NFIL3: variants seen among roughly 807,000 people sequenced by gnomAD.
The protein encoded by NFIL3 is nuclear factor, interleukin 3 regulated.
NFIL3 carries 5 observed loss-of-function variants against 10.0 expected under a neutral mutation model. That is an observed-to-expected ratio of 0.50 (90% CI 0.26 to 1.06). NFIL3 has a LOEUF of 1.06. Ranked by LOEUF, NFIL3 falls within the 50% of genes least tolerant of loss-of-function variation. NFIL3 has a pLI of 0.13. For missense variants in NFIL3, 436 were observed against 547.6 expected (o/e 0.80, Z 2.03); for synonymous variants, 202 against 206.5 (o/e 0.98, Z 0.19).
Position 91,409,775 on chromosome 9 carries a change from G to A in NFIL3, c.960C>T (p.Ser320=), listed in dbSNP as rs759585974. The change falls in exon 2 of 2, where the codon TCC becomes TCT. Residue 320 remains serine, a synonymous_variant. Transcript: ENST00000297689. ...ATVVKVPEVN[S]SALPHKLRIK... is the part of the protein sequence containing the mutation. ...TCCGGAGCTTGTGTGGCAAGGCAGAGGAATTCACTTCTGGAACTTTAACCA... is the reference window on the plus strand; with the variant it reads ...TCCGGAGCTTGTGTGGCAAGGCAGAAGAATTCACTTCTGGAACTTTAACCA... 2.5e-6 allele frequency: 4 copies of A among 1,614,086 alleles called. No homozygotes were observed. The African/African-American group carries it at 4.0e-5, about 16-fold the overall frequency.
intron 1 of NFIL3, among the ~76,000 whole-genome samples, chr9:91,416,371 G>A (rs1471566650): frequency 2.0e-5 from 3 of 152,046 alleles, no homozygotes; most frequent in African/African-American, 4.8e-5. Flanking sequence ...AGTAGTTTAC[G>A]ATGCCTTCAA....
the NFIL3 span, among the ~76,000 whole-genome samples, chr9:91,471,858 T>C: frequency 1.3e-5 from 2 of 152,184 alleles, no homozygotes; most frequent in African/African-American, 4.8e-5. Context: ...TTCCTTTCCA[T>C]GTTTAGTGCT....
At chr9:91,472,260 G>A in the NFIL3 span, among the ~76,000 whole-genome samples, 1 of 152,188 alleles carries the variant, frequency 6.6e-6, no homozygotes. Flanking sequence ...TGCCTAGCTA[G>A]GTTGGGGAAG....
At chr9:91,454,659 C>A in the NFIL3 span, among the ~76,000 whole-genome samples, 1 of 152,110 alleles carries the variant, frequency 6.6e-6, no homozygotes, top group Non-Finnish European at 1.5e-5. Context: ...TGGTGAAACC[C>A]CGTCTCCACT....
chr9:91,481,929 C>A, the NFIL3 span, among the ~76,000 whole-genome samples: 2 of 151,768 alleles, frequency 1.3e-5, no homozygotes, highest in Non-Finnish European at 2.9e-5. Context: ...TGACTATTTG[C>A]CAGAAAAATG....
At chr9:91,483,169 G>C in the NFIL3 span, among the ~76,000 whole-genome samples, 4 of 152,146 alleles carry the variant, frequency 2.6e-5, no homozygotes, top group Admixed American at 2.0e-4. Context: ...TCCATTGGCT[G>C]TGGGTGGAGA....
At chr9:91,466,482 T>C in the NFIL3 span, among the ~76,000 whole-genome samples, 1 of 152,230 alleles carries the variant, frequency 6.6e-6, no homozygotes, top group East Asian at 1.9e-4. Context: ...GTTATGGATA[T>C]GTATGTTTGT....
upstream of NFIL3, chr9:91,427,119 A>G (rs1833880540): frequency 6.6e-6 from 1 of 152,092 alleles, no homozygotes; most frequent in Non-Finnish European, 1.5e-5. Flanking sequence ...TAGGCAAGCA[A>G]TTCATTAAAA....
the NFIL3 span, among the ~76,000 whole-genome samples, chr9:91,459,644 C>T: frequency 4.6e-5 from 7 of 152,114 alleles, no homozygotes; most frequent in African/African-American, 2.4e-5. Context: ...ATAATCATAC[C>T]TCTGCACTCT....
the NFIL3 span, among the ~76,000 whole-genome samples, chr9:91,466,010 G>T: frequency 6.6e-6 from 1 of 151,808 alleles, no homozygotes; most frequent in African/African-American, 2.4e-5. Context: ...GGGTGTGTGT[G>T]ATGTACAGTA....
the NFIL3 span, among the ~76,000 whole-genome samples, chr9:91,451,328 C>G: frequency 0.42 from 63,858 of 152,094 alleles, 17,366 homozygotes; most frequent in African/African-American, 0.77. Context: ...TCATCAGTTC[C>G]TCTGAGAAAC....
At chr9:91,481,845 CAT>C in the NFIL3 span, among the ~76,000 whole-genome samples, 55 of 152,080 alleles carry the variant, frequency 3.6e-4, no homozygotes, top group Middle Eastern at 0.01. Context: ...GCGAAATAGT[CAT>C]AAAATATTAA....
chr9:91,417,211 T>C (rs1181695864), intron 1 of NFIL3, among the ~76,000 whole-genome samples: 2 of 152,028 alleles, frequency 1.3e-5, no homozygotes, highest in Admixed American at 1.3e-4. Flanking sequence ...TTGGAAACAT[T>C]ATAGAATTAT....
chr9:91,409,204 CAA>C lies in NFIL3; in HGVS notation c.*140_*141del. 1.3e-6 allele frequency: 1 copy of C among 774,608 alleles called. No homozygotes were observed. Among genetic ancestry groups the C allele is most frequent in the Non-Finnish European group, 2.0e-6 (1 of 499,800 alleles). The allele number at this position is 774,608 out of a possible 1,614,324, so 48.0% of individuals were successfully genotyped here. On this transcript the variant is annotated 3_prime_UTR_variant, in exon 2 of 2. Coordinates refer to ENST00000297689, the MANE Select transcript of NFIL3 (RefSeq NM_005384.3). ...TCTAATCTTCATCATAATCTGTGCA[CAA>C]AAAGACACCAAACAGACAACATGTG...
chr9:91,443,353 C>T, the NFIL3 span, among the ~76,000 whole-genome samples: 1 of 152,342 alleles, frequency 6.6e-6, no homozygotes, highest in East Asian at 1.9e-4. Flanking sequence ...GAAGGAGGGG[C>T]TTCACCAGGG....
chr9:91,414,966 C>CT (rs1306862908), intron 1 of NFIL3, among the ~76,000 whole-genome samples: 2 of 152,092 alleles, frequency 1.3e-5, no homozygotes, highest in African/African-American at 4.8e-5. Context: ...AAACAGAAAA[C>CT]TTTTTTGATG....
chr9:91,454,333 A>G, the NFIL3 span, among the ~76,000 whole-genome samples: 1 of 151,798 alleles, frequency 6.6e-6, no homozygotes, highest in African/African-American at 2.4e-5. Context: ...AATTATTTCT[A>G]TTCCATGGAA....
chr9:91,434,567 A>G, the NFIL3 span, among the ~76,000 whole-genome samples: 1 of 152,216 alleles, frequency 6.6e-6, no homozygotes, highest in Admixed American at 6.5e-5. Flanking sequence ...AGATAAATAT[A>G]TTTAATTAAC....
upstream of NFIL3, among the ~76,000 whole-genome samples, chr9:91,425,774 G>A (rs1164171180): frequency 6.6e-6 from 1 of 152,162 alleles, no homozygotes; most frequent in Non-Finnish European, 1.5e-5. Context: ...ACTGTGCCTG[G>A]CCACTTTTCT....
Sources: allele counts gnomAD v4.1 joint callset (sites outside exome capture counted in the v4.1 genomes callset), GRCh38; gene constraint gnomAD v4.1.1; transcripts MANE v1.5; gene names NCBI Gene and HGNC (gene_info 2026-07-23, HGNC 2026-07-21).